The following RALB variants were observed in gnomAD, a reference collection of about 807,000 sequenced individuals.
The protein encoded by RALB is RAS like proto-oncogene B.
A neutral mutation model predicts 21.3 loss-of-function variants in RALB; 16 were observed. The observed-to-expected ratio is 0.75, with a 90% CI of 0.51 to 1.14. RALB has a LOEUF of 1.14. RALB is among the 50% of genes most tolerant of loss of function. The pLI, the probability that RALB is intolerant of heterozygous loss-of-function variation, is 0.00. For missense variants in RALB, 161 were observed against 256.2 expected (o/e 0.63, Z 2.54); for synonymous variants, 93 against 96.1 (o/e 0.97, Z 0.19).
chr2:120,266,352 A>C (rs543803791), intron 1 of RALB, among the ~76,000 whole-genome samples: 282 of 152,234 alleles, frequency 1.9e-3, no homozygotes, highest in Admixed American at 3.1e-3. Context: ...TCAAGCGATT[A>C]TCCTGCCTCA....
chr2:120,283,359 G>C (rs1307291855), intron 2 of RALB, among the ~76,000 whole-genome samples: 1 of 152,104 alleles, frequency 6.6e-6, no homozygotes, highest in African/African-American at 2.4e-5. Context: ...TTTCCGATGT[G>C]GCCCAGGGAA....
intron 3 of RALB, 88 bp downstream of exon 3, chr2:120,286,170 G>A: frequency 9.1e-7 from 1 of 1,096,640 alleles, no homozygotes; most frequent in Non-Finnish European, 1.4e-6. Flanking sequence ...TTGGGGCTGA[G>A]CATACTAGGA....
rs568064761 is a variant in RALB at position 120,270,424 on chromosome 2, G to A, written c.-47-8194G>A. ...AAGATCTTAACTGGCTTTATTTGCA[G>A]TTCTGGTATCGGGCAGCATGTGATT... On this transcript the variant is annotated intron_variant, in intron 1 of 4. Coordinates refer to ENST00000272519, the MANE Select transcript of RALB (RefSeq NM_002881.3). Among the ~76,000 whole-genome samples the A allele has an allele frequency of 3.3e-5, 5 of 152,362 alleles. No individual in the cohort carries two copies. The South Asian group carries it at 1.0e-3, about 32-fold the overall frequency.
chr2:120,251,441 ATCT>A (rs779717290), upstream of RALB, among the ~76,000 whole-genome samples: 22 of 152,218 alleles, frequency 1.4e-4, no homozygotes, highest in Non-Finnish European at 2.2e-4. Context: ...TTGCATGTAC[ATCT>A]TCTTACCTAT....
In RALB at chr2:120,252,951, G is replaced by T; in HGVS notation, c.-77G>T. ...CGTTTAAGAGCTGCGGGCCGGGTGCGGACGGCGGAGGCGGCGGGACTGGTC... is the reference window on the plus strand; with the variant it reads ...CGTTTAAGAGCTGCGGGCCGGGTGCTGACGGCGGAGGCGGCGGGACTGGTC... On this transcript the variant is annotated 5_prime_UTR_variant, in exon 1 of 5. Transcript: ENST00000272519. The T allele has an allele frequency of 8.1e-6, 8 of 985,592 alleles. No individual in the cohort carries two copies. Among genetic ancestry groups the T allele is most frequent in the Non-Finnish European group, 9.6e-6 (8 of 830,338 alleles). The allele number at this position is 985,592 out of a possible 1,614,324, so 61.1% of individuals were successfully genotyped here. A position where few individuals can be genotyped will look rare whatever the true frequency, so the allele number is the denominator to read the frequency against.
At chr2:120,280,982 GT>G (rs113320941) in intron 2 of RALB, 41 of 338,854 alleles carry the variant, frequency 1.2e-4, no homozygotes, top group South Asian at 1.8e-4. Flanking sequence ...GTTTGTATTA[GT>G]TTTTTTTATT....
At chr2:120,290,626 G>T (rs111293557) in intron 4 of RALB, among the ~76,000 whole-genome samples, 1,343 of 115,016 alleles carry the variant, frequency 0.012, 27 homozygotes, top group African/African-American at 0.044. Flanking sequence ...CAAATCTCTG[G>T]GATCTCTTTT....
chr2:120,293,039 A>G (rs1488563445), intron 4 of RALB, 102 bp from the exon 5 acceptor site: 1 of 1,200,794 alleles, frequency 8.3e-7, no homozygotes. Flanking sequence ...ATTTCATTGA[A>G]TCCTTAAATG....
chr2:120,285,200 A>G (rs1690100515), intron 2 of RALB, among the ~76,000 whole-genome samples: 1 of 152,180 alleles, frequency 6.6e-6, no homozygotes, highest in Non-Finnish European at 1.5e-5. Context: ...GAAGTGGGGA[A>G]AAGCCCCTTA....
At chr2:120,282,118 GAGA>G (rs1045169029) in intron 2 of RALB, among the ~76,000 whole-genome samples, 61 of 152,270 alleles carry the variant, frequency 4.0e-4, no homozygotes, top group African/African-American at 1.3e-3. Flanking sequence ...GATCCAAGGA[GAGA>G]AGATTCCCCT....
At chr2:120,246,177 T>C (rs1247863527) in intron 1 of RALB, among the ~76,000 whole-genome samples, 1 of 152,222 alleles carries the variant, frequency 6.6e-6, no homozygotes, top group Non-Finnish European at 1.5e-5. Flanking sequence ...GGGCGGGGTT[T>C]GGCATTTGTG....
rs189631237 is a variant in RALB at position 120,283,692 on chromosome 2, A to G, written c.115-2182A>G. On this transcript the variant is annotated intron_variant, in intron 2 of 4. Transcript: ENST00000272519. ...TTGGCAGCAACCGTTTCAGACTTTCAGTCTCTGGCAGCTTAGAGGAAAGTC... is the reference window on the plus strand; with the variant it reads ...TTGGCAGCAACCGTTTCAGACTTTCGGTCTCTGGCAGCTTAGAGGAAAGTC... Among the ~76,000 whole-genome samples, 828 of 152,328 alleles carry G rather than the reference A, an allele frequency of 5.4e-3. 6 individuals are homozygous for G. The highest frequency in any genetic ancestry group is 7.1e-3 in the Non-Finnish European group (483 of 68,028).
At chr2:120,269,545 C>T (rs1315254236) in intron 1 of RALB, among the ~76,000 whole-genome samples, 1 of 152,132 alleles carries the variant, frequency 6.6e-6, no homozygotes, top group African/African-American at 2.4e-5. Flanking sequence ...GTGCATTTTA[C>T]AGTGTGCTGA....
In RALB at chr2:120,283,158, G is replaced by A. The variant is rs572600348; in HGVS notation, c.115-2716G>A. Among the ~76,000 whole-genome samples, 11 of 152,302 alleles carry A rather than the reference G, an allele frequency of 7.2e-5. No individual in the cohort carries two copies. The East Asian group carries it at 1.4e-3, about 19-fold the overall frequency. ...AGAGATCATCTAGTCAGGAAATTGA[G>A]CTCTGTGTTCAGGGAGGCCGGCTGT... On this transcript the variant is annotated intron_variant, in intron 2 of 4. Transcript: ENST00000272519.
At chr2:120,269,909 GTTAAT>G (rs1170961126) in intron 1 of RALB, among the ~76,000 whole-genome samples, 1 of 152,184 alleles carries the variant, frequency 6.6e-6, no homozygotes, top group Non-Finnish European at 1.5e-5. Context: ...GGCTGTGGCA[GTTAAT>G]AATATCAGTA....
intron 1 of RALB, among the ~76,000 whole-genome samples, chr2:120,258,915 C>T (rs1001094460): frequency 6.1e-4 from 93 of 151,992 alleles, no homozygotes; most frequent in Admixed American, 1.1e-3. Flanking sequence ...GAGTCTGTCC[C>T]TTCTGATGTT....
intron 2 of RALB, among the ~76,000 whole-genome samples, chr2:120,283,287 AT>A (rs1249313974): frequency 2.0e-5 from 3 of 152,056 alleles, no homozygotes; most frequent in African/African-American, 7.2e-5. Flanking sequence ...TTTGCAATAT[AT>A]TTTTTTAGCT....
In RALB at chr2:120,286,917, A is replaced by T. The variant is rs6714344; in HGVS notation, c.323+835A>T. ...ATACCTTCAGTTCATTTTGTTATAAAGAAATAGCCTTTTGGGCATAATTCT... is the reference window on the plus strand; with the variant it reads ...ATACCTTCAGTTCATTTTGTTATAATGAAATAGCCTTTTGGGCATAATTCT... On this transcript the variant is annotated intron_variant, in intron 3 of 4. Coordinates refer to ENST00000272519, the MANE Select transcript of RALB (RefSeq NM_002881.3). 4.4e-3 allele frequency among the ~76,000 whole-genome samples: 677 copies of T among 152,302 alleles called. 10 individuals are homozygous for T. Among genetic ancestry groups the T allele is most frequent in the African/African-American group, 0.016 (655 of 41,550 alleles).
At chr2:120,264,762 C>A (rs1689459560) in intron 1 of RALB, among the ~76,000 whole-genome samples, 1 of 152,194 alleles carries the variant, frequency 6.6e-6, no homozygotes, top group Non-Finnish European at 1.5e-5. Flanking sequence ...TCCCCACTCC[C>A]CTCTTCCCCC....
Sources: gnomAD v4.1 joint callset for allele counts (sites outside exome capture counted in the v4.1 genomes callset) on GRCh38, gnomAD v4.1.1 for gene constraint, MANE v1.5 for transcripts, NCBI Gene and HGNC (gene_info 2026-07-23, HGNC 2026-07-21) for gene names.